Variants in TRPM3 observed in about 807,000 individuals in gnomAD.
TRPM3 encodes the protein transient receptor potential cation channel subfamily M member 3.
A neutral mutation model predicts 181.2 loss-of-function variants in TRPM3; 77 were observed. The ratio of observed to expected loss-of-function variants is 0.42; its 90% CI spans 0.35 to 0.51. The LOEUF is 0.51. Ranked by LOEUF, TRPM3 falls within the 20% of genes least tolerant of loss-of-function variation. The pLI is 0.01. For missense variants in TRPM3, 1,759 were observed against 2,196.7 expected (o/e 0.80, Z 3.98); for synonymous variants, 745 against 796.4 (o/e 0.94, Z 1.09).
intron 1 of TRPM3, among the ~76,000 whole-genome samples, chr9:71,439,618 G>A (rs1238501799): frequency 1.3e-5 from 2 of 152,076 alleles, no homozygotes; most frequent in Non-Finnish European, 2.9e-5. Context: ...TTTGGCTCAG[G>A]TCAGAGACTG....
chr9:70,779,080 T>G (rs938989366), intron 7 of TRPM3, among the ~76,000 whole-genome samples: 1 of 152,096 alleles, frequency 6.6e-6, no homozygotes, highest in African/African-American at 2.4e-5. Flanking sequence ...AATCAAGTAA[T>G]GTAGGGACCC....
upstream of TRPM3, among the ~76,000 whole-genome samples, chr9:71,125,085 G>A (rs1301938878): frequency 3.9e-5 from 6 of 152,160 alleles, no homozygotes; most frequent in African/African-American, 9.7e-5. Flanking sequence ...CCAGTGGTGA[G>A]CCTTTGTAGA....
At chr9:71,219,476 AG>A (rs985782416) in intron 1 of TRPM3, among the ~76,000 whole-genome samples, 1 of 152,218 alleles carries the variant, frequency 6.6e-6, no homozygotes, top group Non-Finnish European at 1.5e-5. Context: ...GATCATTGAC[AG>A]GAAAAAGTAG....
intron 1 of TRPM3, among the ~76,000 whole-genome samples, chr9:70,995,802 CCATA>C (rs1362197097): frequency 6.6e-6 from 1 of 152,086 alleles, no homozygotes; most frequent in Non-Finnish European, 1.5e-5. Context: ...GCTGTCTGAC[CCATA>C]CATACAGAGT....
chr9:71,042,488 T>C (rs1421311126), intron 1 of TRPM3, among the ~76,000 whole-genome samples: 1 of 152,204 alleles, frequency 6.6e-6, no homozygotes, highest in Non-Finnish European at 1.5e-5. Context: ...GTTAAGCACA[T>C]AGTGGGTGTT....
intron 1 of TRPM3, among the ~76,000 whole-genome samples, chr9:71,197,223 G>T (rs2078441184): frequency 6.6e-6 from 1 of 152,136 alleles, no homozygotes; most frequent in Admixed American, 6.6e-5. Context: ...TGGCTGCATA[G>T]TATTCCATGG....
At chr9:70,994,039 C>T (rs1032469332) in intron 1 of TRPM3, among the ~76,000 whole-genome samples, 44 of 152,088 alleles carry the variant, frequency 2.9e-4, no homozygotes, top group Admixed American at 2.6e-3. Flanking sequence ...CAGTTATTAA[C>T]GGTCACTATG....
chr9:71,054,835 G>A (rs1295065260), intron 1 of TRPM3, among the ~76,000 whole-genome samples: 2 of 152,010 alleles, frequency 1.3e-5, no homozygotes, highest in African/African-American at 2.4e-5. Flanking sequence ...TGATGACCTC[G>A]GGAAAGCCCC....
At chr9:70,978,808 C>A (rs1271151512) in intron 1 of TRPM3, among the ~76,000 whole-genome samples, 3 of 152,184 alleles carry the variant, frequency 2.0e-5, no homozygotes, top group Non-Finnish European at 4.4e-5. Context: ...CACTGATGCC[C>A]TGCCAGTGTC....
intron 22 of TRPM3, among the ~76,000 whole-genome samples, chr9:70,590,473 G>A (rs925600151): frequency 6.6e-6 from 1 of 152,200 alleles, no homozygotes; most frequent in East Asian, 1.9e-4. Flanking sequence ...TCCAGGCAAT[G>A]AATACCAGCT....
chr9:70,889,995 T>C (rs1254803472), intron 1 of TRPM3, among the ~76,000 whole-genome samples: 1 of 148,116 alleles, frequency 6.8e-6, no homozygotes, highest in African/African-American at 2.4e-5. Flanking sequence ...TATTATATAT[T>C]TATATTTATA....
chr9:70,767,802 G>A (rs892754112), intron 7 of TRPM3, among the ~76,000 whole-genome samples: 2 of 152,160 alleles, frequency 1.3e-5, no homozygotes, highest in Non-Finnish European at 2.9e-5. Context: ...AGGGTAGATG[G>A]ACTTCTTACA....
intron 1 of TRPM3, among the ~76,000 whole-genome samples, chr9:70,928,929 G>A (rs904898360): frequency 3.9e-5 from 6 of 152,016 alleles, no homozygotes; most frequent in African/African-American, 1.4e-4. Context: ...AAGGCCCTTG[G>A]TTCCTGTCCT....
Position 70,637,465 on chromosome 9 carries a change from C to G in TRPM3, c.1581+1595G>C, listed in dbSNP as rs1182492321. 2.6e-5 allele frequency among the ~76,000 whole-genome samples: 4 copies of G among 151,980 alleles called. No individual in the cohort carries two copies. The East Asian group carries it at 7.7e-4, about 29-fold the overall frequency. ...AGAATTTTCCTACCCACCCCCACTC[C>G]CCAGTCTTTGGAATAAATTACTCCC... On this transcript the variant is annotated intron_variant, in intron 11 of 25. Transcript: ENST00000677713.
intron 1 of TRPM3, among the ~76,000 whole-genome samples, chr9:70,900,948 A>C (rs1489398323): frequency 6.6e-6 from 1 of 152,164 alleles, no homozygotes; most frequent in Non-Finnish European, 1.5e-5. Context: ...TTTCAAAACT[A>C]TTTTCCATTA....
intron 8 of TRPM3, among the ~76,000 whole-genome samples, chr9:70,756,255 A>G (rs540158460): frequency 2.8e-4 from 42 of 152,260 alleles, no homozygotes; most frequent in Non-Finnish European, 5.4e-4. Flanking sequence ...AGGGCATTAC[A>G]TAATGGTAAA....
intron 1 of TRPM3, among the ~76,000 whole-genome samples, chr9:70,877,978 A>T (rs1052302017): frequency 6.6e-6 from 1 of 151,802 alleles, no homozygotes; most frequent in African/African-American, 2.4e-5. Context: ...TTGAACAATT[A>T]TTTTTTTCTC....
At chr9:71,246,225 A>C (rs763271314) in intron 1 of TRPM3, among the ~76,000 whole-genome samples, 1 of 152,176 alleles carries the variant, frequency 6.6e-6, no homozygotes, top group Non-Finnish European at 1.5e-5. Context: ...AGAATGTTTT[A>C]TGTTCATCTC....
chr9:71,316,492 A>T (rs2088603803), intron 1 of TRPM3, among the ~76,000 whole-genome samples: 1 of 152,182 alleles, frequency 6.6e-6, no homozygotes, highest in African/African-American at 2.4e-5. Flanking sequence ...ATTATCTTGA[A>T]CTATGCAGGT....
Sources: allele counts gnomAD v4.1 joint callset (sites outside exome capture counted in the v4.1 genomes callset), GRCh38; gene constraint gnomAD v4.1.1; transcripts MANE v1.5; gene names NCBI Gene and HGNC (gene_info 2026-07-23, HGNC 2026-07-21).